BAD: variants seen among roughly 807,000 people sequenced by gnomAD.
The protein encoded by BAD is bcl2-associated agonist of cell death.
BAD carries 18 observed loss-of-function variants against 17.8 expected under a neutral mutation model. The ratio of observed to expected loss-of-function variants is 1.01; its 90% CI spans 0.70 to 1.50. The LOEUF is 1.50. BAD is among the 40% of genes most tolerant of loss of function. The pLI, the probability that BAD is intolerant of heterozygous loss-of-function variation, is 0.00. For missense variants in BAD, 294 were observed against 239.3 expected (o/e 1.23, Z -1.51); for synonymous variants, 112 against 91.5 (o/e 1.22, Z -1.28).
At chr11:64,280,291 G>A (rs1346464460) in intron 2 of BAD, among the ~76,000 whole-genome samples, 1 of 143,420 alleles carries the variant, frequency 7.0e-6, no homozygotes, top group Non-Finnish European at 1.5e-5. Flanking sequence ...CTGCACTCCA[G>A]CCTGGGCGAC....
Position 64,270,287 on chromosome 11 carries a change from T to A in BAD, c.429A>T (p.Gln143His). ...GGAAGACTCGCGTCCAGCTGGAGCT[T>A]TGCCGCATCTGCGTTGCTGTGCCCG... ...KSAGTATQMRQSSSWTRVFQS... is the reference protein window; with the variant it reads ...KSAGTATQMRHSSSWTRVFQS... The change falls in exon 4 of 4, where the codon CAA becomes CAT. Residue 143 changes from glutamine to histidine, a missense_variant. Coordinates refer to ENST00000309032, the MANE Select transcript of BAD (RefSeq NM_032989.3). 1.9e-6 allele frequency: 3 copies of A among 1,586,022 alleles called. No homozygotes were observed. The highest frequency in any genetic ancestry group is 2.6e-6 in the Non-Finnish European group (3 of 1,160,720).
intron 2 of BAD, among the ~76,000 whole-genome samples, chr11:64,277,309 C>A: frequency 6.6e-6 from 1 of 152,238 alleles, no homozygotes; most frequent in East Asian, 1.9e-4. Flanking sequence ...CCGCCTCCGG[C>A]ACCTGTAGGC....
At chr11:64,277,152 G>T in intron 2 of BAD, 5 of 603,350 alleles carry the variant, frequency 8.3e-6, no homozygotes, top group South Asian at 7.6e-5. Context: ...GAGCAGTGAA[G>T]CTCTGCCATC....
intron 2 of BAD, chr11:64,272,909 A>G (rs777472809): frequency 1.3e-5 from 2 of 152,388 alleles, no homozygotes; most frequent in Non-Finnish European, 2.9e-5. Flanking sequence ...CTGTGTGAAC[A>G]TCACATAAAA....
In BAD at chr11:64,270,092, A is replaced by G. The variant is rs1343965560; in HGVS notation, c.*117T>C. The stretch of plus-strand genomic sequence containing the variant: ...GGAATCTGGGTCAGCCCTCCCTCCA[A>G]AGGAGACAGCACGGATCCTCTTTTT... On this transcript the variant is annotated 3_prime_UTR_variant, in exon 4 of 4. Transcript: ENST00000309032. The G allele has an allele frequency of 6.6e-7, 1 of 1,523,228 alleles. No individual in the cohort carries two copies. Among genetic ancestry groups the G allele is most frequent in the Admixed American group, 1.9e-5 (1 of 52,520 alleles). 94.4% of individuals were successfully genotyped at this position (1,523,228 alleles called of 1,614,324 possible). A position where few individuals can be genotyped will look rare whatever the true frequency, so the allele number is the denominator to read the frequency against.
intron 2 of BAD, 145 bp downstream of exon 2, chr11:64,284,037 G>A (rs2033665334): frequency 2.2e-6 from 2 of 925,610 alleles, no homozygotes; most frequent in Non-Finnish European, 3.2e-6. Flanking sequence ...GTTATTAATT[G>A]CTGTTTTACG....
chr11:64,273,424 A>C (rs922772571), intron 2 of BAD, among the ~76,000 whole-genome samples: 1 of 152,048 alleles, frequency 6.6e-6, no homozygotes, highest in African/African-American at 2.4e-5. Flanking sequence ...GTAGGCTGCA[A>C]GTGCACTATG....
At chr11:64,284,423 G>T in intron 1 of BAD, 47 bp from the exon 2 acceptor site, 1 of 1,608,158 alleles carries the variant, frequency 6.2e-7, no homozygotes. Context: ...TGGGGCCAAC[G>T]GTGGCCCTGG....
chr11:64,271,530 CGT>C, intron 3 of BAD, 81 bp downstream of exon 3: 1 of 1,312,072 alleles, frequency 7.6e-7, no homozygotes, highest in Non-Finnish European at 9.8e-7. Flanking sequence ...CAGATCCGGG[CGT>C]GCCTTGGGAC....
rs188770141 is a variant in BAD, at chr11:64,283,778, C to G, written c.187+404G>C. On this transcript the variant is annotated intron_variant, in intron 2 of 3. Transcript: ENST00000309032. ...GCCTGTCACTGATTTCTGTCCTAAC[C>G]CCACACTAATAGCTGCTATATATAT... Among the ~76,000 whole-genome samples the G allele has an allele frequency of 1.2e-3, 190 of 152,264 alleles. 2 individuals carry two copies. The East Asian group carries it at 0.02, about 16-fold the overall frequency.
intron 2 of BAD, among the ~76,000 whole-genome samples, chr11:64,275,358 T>C (rs2032983445): frequency 6.6e-6 from 1 of 152,190 alleles, no homozygotes; most frequent in Non-Finnish European, 1.5e-5. Flanking sequence ...GTGCGGTGAC[T>C]GTGGAGCAGG....
chr11:64,271,764 T>TTTTTGA lies in BAD; in HGVS notation c.226_227insTCAAAA (p.Tyr76delinsPheLysAsn). 2 of 1,397,458 alleles carry TTTTTGA rather than the reference T, an allele frequency of 1.4e-6. No individual in the cohort carries two copies. Among genetic ancestry groups the TTTTTGA allele is most frequent in the Non-Finnish European group, 1.9e-6 (2 of 1,073,716 alleles). The allele number at this position is 1,397,458 out of a possible 1,614,324, so 86.6% of individuals were successfully genotyped here. A position where few individuals can be genotyped will look rare whatever the true frequency, so the allele number is the denominator to read the frequency against. On this transcript the variant is annotated protein_altering_variant, in exon 3 of 4. Coordinates refer to ENST00000309032, the MANE Select transcript of BAD (RefSeq NM_032989.3). ...TTCGTCGTCCTCCGTCCCCGCGGGGTAGGAGCTGTGGCGACTCCGGATCTC... is the reference window on the plus strand; with the variant it reads ...TTCGTCGTCCTCCGTCCCCGCGGGGTTTTTGAAGGAGCTGTGGCGACTCCGGATCTC...
chr11:64,283,919 G>C (rs950957639), intron 2 of BAD, among the ~76,000 whole-genome samples: 18 of 152,216 alleles, frequency 1.2e-4, no homozygotes, highest in African/African-American at 4.3e-4. Context: ...ACAGGTGTGA[G>C]CCACCACGCC....
intron 2 of BAD, among the ~76,000 whole-genome samples, chr11:64,273,651 T>C (rs961410285): frequency 2.0e-5 from 3 of 150,286 alleles, no homozygotes; most frequent in Non-Finnish European, 3.0e-5. Flanking sequence ...GAGGCCGAGG[T>C]TGGGGAGATC....
Position 64,269,925 on chromosome 11 carries a change from T to G in BAD, c.*284A>C. ...GTCCCGGTGACGCAACGGTTAAACCTGGCTCGCGACTTAGCGCAGGCGCCT... is the reference window on the plus strand; with the variant it reads ...GTCCCGGTGACGCAACGGTTAAACCGGGCTCGCGACTTAGCGCAGGCGCCT... On this transcript the variant is annotated 3_prime_UTR_variant, in exon 4 of 4. Coordinates refer to ENST00000309032, the MANE Select transcript of BAD (RefSeq NM_032989.3). The G allele has an allele frequency of 1.4e-6, 1 of 708,208 alleles. No individual in the cohort carries two copies. The highest frequency in any genetic ancestry group is 2.5e-6 in the Non-Finnish European group (1 of 392,988). The allele number at this position is 708,208 out of a possible 1,614,324, so 43.9% of individuals were successfully genotyped here.
intron 2 of BAD, among the ~76,000 whole-genome samples, chr11:64,280,347 T>TAAA (rs1178286164): frequency 7.3e-6 from 1 of 137,814 alleles, no homozygotes; most frequent in Admixed American, 7.4e-5. Context: ...ATAATAATAA[T>TAAA]AATAATAATA....
At chr11:64,283,555 TGC>T (rs1009529436) in intron 2 of BAD, among the ~76,000 whole-genome samples, 10 of 152,294 alleles carry the variant, frequency 6.6e-5, no homozygotes, top group African/African-American at 2.4e-4. Context: ...CTGGCCACTG[TGC>T]CAGGACAGTC....
At chr11:64,271,488 C>A (rs1309463465) in intron 3 of BAD, 125 bp downstream of exon 3, 10 of 1,012,892 alleles carry the variant, frequency 9.9e-6, no homozygotes, top group Non-Finnish European at 1.3e-5. Flanking sequence ...TAGGAAGGAA[C>A]AGGACGGCTT....
chr11:64,276,581 C>A (rs1288486825), intron 2 of BAD, among the ~76,000 whole-genome samples: 1 of 152,174 alleles, frequency 6.6e-6, no homozygotes, highest in Non-Finnish European at 1.5e-5. Flanking sequence ...AGTGCCTCGG[C>A]CCCCCAAAGT....
Sources: allele counts gnomAD v4.1 joint callset (sites outside exome capture counted in the v4.1 genomes callset), GRCh38; gene constraint gnomAD v4.1.1; transcripts MANE v1.5; gene names NCBI Gene and HGNC (gene_info 2026-07-23, HGNC 2026-07-21).